The following MLXIP variants were observed in gnomAD, a reference collection of about 807,000 sequenced individuals.
MLXIP encodes the protein MLX interacting protein.
In MLXIP, 30 loss-of-function variants were observed where a neutral mutation model predicts 87.2. The ratio of observed to expected loss-of-function variants is 0.34; its 90% CI spans 0.26 to 0.47. The LOEUF is 0.47. Among genes scored for constraint, MLXIP ranks in the 20% least tolerant of loss-of-function variants. The probability of loss-of-function intolerance (pLI) is 1.00; values close to 1 mark genes in which losing one functional copy is unlikely to be tolerated. For synonymous variants in MLXIP, 530 were observed against 514.0 expected, an observed-to-expected ratio of 1.03 and a Z score of -0.42; for missense variants, 1,002 against 1,240.1, an observed-to-expected ratio of 0.81 and a Z score of 2.88.
At position 122,130,875 on chromosome 12, in the gene MLXIP, G is replaced by T. The variant is rs778921300; in HGVS notation, c.942G>T (p.Pro314=). 1.9e-6 allele frequency: 3 copies of T among 1,613,672 alleles called. No individual in the cohort carries two copies. Among genetic ancestry groups the T allele is most frequent in the Non-Finnish European group, 2.5e-6 (3 of 1,179,696 alleles). The change falls in exon 7 of 17, where the codon CCG becomes CCT. Residue 314 remains proline, a synonymous_variant. Coordinates refer to ENST00000319080, the MANE Select transcript of MLXIP (RefSeq NM_014938.6). ...AHLGNADMIQ[P]GLIPLQPNLD... is the part of the protein sequence containing the mutation. ...TGGGAAATGCAGACATGATCCAGCCGGGACTGATTCCTTTGCAGCCTAACC... is the reference window on the plus strand; with the variant it reads ...TGGGAAATGCAGACATGATCCAGCCTGGACTGATTCCTTTGCAGCCTAACC...
chr12:122,141,329 G>A (rs931059163), intron 16 of MLXIP, among the ~76,000 whole-genome samples: 4 of 152,200 alleles, frequency 2.6e-5, no homozygotes, highest in East Asian at 3.9e-4. Flanking sequence ...TATTTGCCAG[G>A]CCCTGTATCA....
chr12:122,138,247 G>C lies in MLXIP; in HGVS notation c.2208G>C (p.Lys736Asn), dbSNP rs1953129374. The C allele has an allele frequency of 1.2e-6, 2 of 1,613,030 alleles. No individual in the cohort carries two copies. The change falls in exon 13 of 17, where the codon AAG (lysine) becomes AAC (asparagine). Residue 736 changes from lysine (K) to asparagine (N), a missense_variant. Transcript: ENST00000319080. ...SAEQKRRFNI[K>N]MCFDMLNSLI... ...AGCAGAAAAGGCGCTTCAACATCAAGATGTGCTTCGACATGCTCAACAGCC... is the reference window on the plus strand; with the variant it reads ...AGCAGAAAAGGCGCTTCAACATCAACATGTGCTTCGACATGCTCAACAGCC...
At chr12:122,138,629 G>T in intron 14 of MLXIP, 78 bp downstream of exon 14, 1 of 1,537,548 alleles carries the variant, frequency 6.5e-7, no homozygotes, top group Admixed American at 2.0e-5. Context: ...GTGGGACCCT[G>T]TGGCCTCATC....
intron 1 of MLXIP, among the ~76,000 whole-genome samples, chr12:122,116,877 C>T (rs1047678160): frequency 6.6e-6 from 1 of 152,210 alleles, no homozygotes; most frequent in African/African-American, 2.4e-5. Context: ...AACCACTCTG[C>T]TTTCTTTGTT....
chr12:122,124,186 CGTCCCCCGCCCTCAGCT>C (rs1429687170), intron 1 of MLXIP, among the ~76,000 whole-genome samples: 1 of 114,378 alleles, frequency 8.7e-6, no homozygotes, highest in Admixed American at 8.7e-5. Flanking sequence ...CCGCCCCAGC[CGTCCCCCGCCCTCAGCT>C]GTCCCCCTCC....
Position 122,135,765 on chromosome 12 carries a change from C to G in MLXIP, c.2032+99C>G. 7.3e-7 allele frequency: 1 copy of G among 1,371,854 alleles called. No individual in the cohort carries two copies. Among genetic ancestry groups the G allele is most frequent in the Non-Finnish European group, 9.6e-7 (1 of 1,044,556 alleles). The allele number at this position is 1,371,854 out of a possible 1,614,324, so 85.0% of individuals were successfully genotyped here. A position where few individuals can be genotyped will look rare whatever the true frequency, so the allele number is the denominator to read the frequency against. On this transcript the variant is annotated intron_variant, in intron 11 of 16. Coordinates refer to ENST00000319080, the MANE Select transcript of MLXIP (RefSeq NM_014938.6). This position sits in a 1 kb window ranked among gnomAD's most constrained non-coding sequence, Gnocchi z 5.3. The stretch of plus-strand genomic sequence containing the variant: ...TGCTTGCTGGGTCCCCAGGACGGAG[C>G]CTGGGCTTAGGACACACAGTGAGGT...
chr12:122,101,604 G>T, intron 1 of MLXIP, among the ~76,000 whole-genome samples: 2 of 119,294 alleles, frequency 1.7e-5, no homozygotes, highest in Non-Finnish European at 1.6e-5. Context: ...TTTTTGAGAC[G>T]GAGTCTCGCT....
chr12:122,090,510 A>G (rs1308260203), intron 1 of MLXIP, among the ~76,000 whole-genome samples: 1 of 151,646 alleles, frequency 6.6e-6, no homozygotes, highest in Non-Finnish European at 1.5e-5. Flanking sequence ...AAAAAAAAAC[A>G]AAACAAAACA....
chr12:122,106,616 T>TC (rs1952524558), intron 1 of MLXIP, among the ~76,000 whole-genome samples: 1 of 146,248 alleles, frequency 6.8e-6, no homozygotes, highest in Admixed American at 6.8e-5. Flanking sequence ...TTTTTTTTTT[T>TC]TTTGAGATGG....
chr12:122,095,308 GTGTT>G (rs1952335835), intron 1 of MLXIP, among the ~76,000 whole-genome samples: 2 of 151,806 alleles, frequency 1.3e-5, no homozygotes, highest in Admixed American at 6.6e-5. Flanking sequence ...GGGGGGGTGT[GTGTT>G]TGCAGTACAC....
rs1315651896 is a variant in MLXIP, at chr12:122,135,266, G to A, written c.1775G>A (p.Gly592Glu). The A allele has an allele frequency of 6.2e-7, 1 of 1,613,642 alleles. No individual in the cohort carries two copies. The highest frequency in any genetic ancestry group is 1.7e-5 in the Admixed American group (1 of 60,012). Reference sequence around the variant, plus strand: ...CCACAAGCGGTGATCATGACGTCAGGGCCTCTGAAGAGAGAAGGGATGTTG... The same window carrying A: ...CCACAAGCGGTGATCATGACGTCAGAGCCTCTGAAGAGAGAAGGGATGTTG... Reference protein sequence around the residue: ...GQPQAVIMTSGPLKREGMLAS... With the variant: ...GQPQAVIMTSEPLKREGMLAS... Residue 592 changes from glycine (G) to glutamate (E), a missense_variant, in exon 10 of 17, where the codon GGG becomes GAG. Physicochemically the swap from Gly to Glu is moderately conservative, Grantham distance 98. This residue lies in a region of MLXIP where 746 missense variants were observed against 897.0 expected (regional missense o/e 0.83). Transcript: ENST00000319080. This position sits in a 1 kb window ranked among gnomAD's most constrained non-coding sequence, Gnocchi z 5.3.
rs1953290882 is a variant in MLXIP at position 122,145,783 on chromosome 12, G to C, written c.*3971G>C. 6.6e-6 allele frequency: 1 copy of C among 152,604 alleles called. No individual in the cohort carries two copies. Among genetic ancestry groups the C allele is most frequent in the African/African-American group, 2.4e-5 (1 of 41,474 alleles). 9.5% of individuals were successfully genotyped at this position (152,604 alleles called of 1,614,324 possible). A position where few individuals can be genotyped will look rare whatever the true frequency, so the allele number is the denominator to read the frequency against. On this transcript the variant is annotated 3_prime_UTR_variant, in exon 17 of 17. Transcript: ENST00000319080. Reference sequence around the variant, plus strand: ...CCCCTGTGTGTGGGGGATTTGGGGTGCTGTGGGCCTGGTTATGCACTGGCA... The same window carrying C: ...CCCCTGTGTGTGGGGGATTTGGGGTCCTGTGGGCCTGGTTATGCACTGGCA...
chr12:122,124,156 C>A (rs1952830000), intron 1 of MLXIP, among the ~76,000 whole-genome samples: 1 of 133,570 alleles, frequency 7.5e-6, no homozygotes, highest in Non-Finnish European at 1.6e-5. Context: ...CCTCAGCTGT[C>A]CCCCACCCTC....
intron 1 of MLXIP, among the ~76,000 whole-genome samples, chr12:122,085,851 C>T (rs1952161193): frequency 6.6e-6 from 1 of 152,096 alleles, no homozygotes; most frequent in African/African-American, 2.4e-5. Context: ...TGTGCACATC[C>T]TCATCCACAG....
chr12:122,105,821 C>T (rs114800856), intron 1 of MLXIP, among the ~76,000 whole-genome samples: 1 of 151,986 alleles, frequency 6.6e-6, no homozygotes, highest in African/African-American at 2.4e-5. Context: ...CTTTCCCCCC[C>T]TTCTTTTCCT....
intron 1 of MLXIP, among the ~76,000 whole-genome samples, chr12:122,124,614 A>C (rs1281811065): frequency 6.6e-6 from 1 of 150,972 alleles, no homozygotes; most frequent in Non-Finnish European, 1.5e-5. Context: ...GAGAAAGAGG[A>C]ACCACATGGC....
intron 1 of MLXIP, among the ~76,000 whole-genome samples, chr12:122,089,020 A>G (rs1952209416): frequency 6.6e-6 from 1 of 151,732 alleles, no homozygotes; most frequent in Admixed American, 6.6e-5. Context: ...AAAAAAAAAA[A>G]AAAAAAAAAA....
At chr12:122,134,864 G>C (rs1953056111) in intron 9 of MLXIP, 1 of 312,344 alleles carries the variant, frequency 3.2e-6, no homozygotes, top group Non-Finnish European at 6.3e-6. Flanking sequence ...AGTAGAGATG[G>C]GGTTTCACCA....
intron 1 of MLXIP, among the ~76,000 whole-genome samples, chr12:122,093,112 T>C (rs918604206): frequency 3.8e-5 from 5 of 129,874 alleles, no homozygotes; most frequent in Admixed American, 8.0e-5. Flanking sequence ...TGTGTGTTGG[T>C]GTGTGGGATG....
Sources: gnomAD v4.1 joint callset for allele counts (sites outside exome capture counted in the v4.1 genomes callset) on GRCh38, gnomAD v4.1.1 for gene constraint, gnomAD v4.1.1 regional missense constraint, Gnocchi (gnomAD v3.1) non-coding constraint, MANE v1.5 for transcripts, NCBI Gene and HGNC (gene_info 2026-07-23, HGNC 2026-07-21) for gene names.